Variants in SNX31 observed in about 807,000 individuals in gnomAD.
The protein encoded by SNX31 is sorting nexin 31.
In SNX31, 58 loss-of-function variants were observed where a neutral mutation model predicts 65.4. The observed-to-expected ratio is 0.89, with a 90% CI of 0.72 to 1.10. The LOEUF is 1.10. Among genes scored for constraint, SNX31 ranks in the 50% least tolerant of loss-of-function variants. SNX31 has a pLI of 0.00. For synonymous variants in SNX31, 181 were observed against 190.1 expected, an observed-to-expected ratio of 0.95 and a Z score of 0.39; for missense variants, 523 against 529.7, an observed-to-expected ratio of 0.99 and a Z score of 0.12.
In SNX31 at chr8:100,613,721, G is replaced by A. The variant is rs997715235; in HGVS notation, c.433-636C>T. Among the ~76,000 whole-genome samples the A allele has an allele frequency of 1.3e-5, 2 of 152,096 alleles. No individual in the cohort carries two copies. The highest frequency in any genetic ancestry group is 6.5e-5 in the Admixed American group (1 of 15,280). On this transcript the variant is annotated intron_variant, in intron 5 of 13. Transcript: ENST00000311812. This position sits in a 1 kb window ranked among gnomAD's most constrained non-coding sequence, Gnocchi z 5.2. ...TATATCAAACAGCTTTCATTTCAACGCCAGTGGCTTCATTTTTACCATCAG... is the reference window on the plus strand; with the variant it reads ...TATATCAAACAGCTTTCATTTCAACACCAGTGGCTTCATTTTTACCATCAG...
intron 5 of SNX31, among the ~76,000 whole-genome samples, chr8:100,615,005 T>C (rs1817047529): frequency 6.6e-6 from 1 of 152,214 alleles, no homozygotes; most frequent in South Asian, 2.1e-4. Flanking sequence ...GATTTTTAAT[T>C]ATAAAACTTA....
chr8:100,618,330 C>T (rs1817411580), intron 4 of SNX31: 2 of 1,534,454 alleles, frequency 1.3e-6, no homozygotes, highest in African/African-American at 2.7e-5. Context: ...AATTAACTTG[C>T]CCAGTTTTCA....
rs574544463 is a variant in SNX31 at position 100,621,302 on chromosome 8, A to C, written c.322-3572T>G. ...CCTGGCACCCCAGTGTGATAACTGC[A>C]GCACTCTTTTCACTCTCAAAAGCAT... is the stretch of plus-strand genomic sequence containing the variant. On this transcript the variant is annotated intron_variant, in intron 4 of 13. Coordinates refer to ENST00000311812, the MANE Select transcript of SNX31 (RefSeq NM_152628.4). 1.6e-4 allele frequency among the ~76,000 whole-genome samples: 24 copies of C among 152,312 alleles called. No homozygotes were observed. In the South Asian group the frequency reaches 5.0e-3, roughly 32 times the overall value.
Position 100,648,171 on chromosome 8 carries a change from T to A in SNX31, c.141+1103A>T, listed in dbSNP as rs1245037882. Among the ~76,000 whole-genome samples, 1 of 152,116 alleles carries A rather than the reference T, an allele frequency of 6.6e-6. No homozygotes were observed. Among genetic ancestry groups the A allele is most frequent in the Non-Finnish European group, 1.5e-5 (1 of 68,018 alleles). On this transcript the variant is annotated intron_variant, in intron 2 of 13. Coordinates refer to ENST00000311812, the MANE Select transcript of SNX31 (RefSeq NM_152628.4). The surrounding 1 kb of genome is among the most constrained non-coding windows in gnomAD (Gnocchi z 4.3). The stretch of plus-strand genomic sequence containing the variant: ...CAATTTAATAGCAGAAAAAACAAAC[T>A]AAGCTGTCGGTCAACAGAAGATGGT...
intron 2 of SNX31, among the ~76,000 whole-genome samples, chr8:100,643,985 G>T (rs1299247148): frequency 1.3e-5 from 2 of 152,164 alleles, no homozygotes; most frequent in Non-Finnish European, 2.9e-5. Context: ...GGACTGAGGT[G>T]GGCTTTGAGA....
At position 100,588,847 on chromosome 8, in the gene SNX31, G is replaced by C. The variant is rs114762268; in HGVS notation, c.1092+19C>G. 1.5e-4 allele frequency: 241 copies of C among 1,570,234 alleles called. 3 individuals are homozygous for C. The East Asian group carries it at 4.7e-3, about 30-fold the overall frequency. On this transcript the variant is annotated intron_variant, in intron 11 of 13. Transcript: ENST00000311812. This position sits in a 1 kb window ranked among gnomAD's most constrained non-coding sequence, Gnocchi z 4.8. ...CATTTCAGCACAGAGGGTGTTCAAG[G>C]TCTGCCCTGAGAACTCACCTGTTTG...
chr8:100,653,223 G>A (rs1820004367), upstream of SNX31, among the ~76,000 whole-genome samples: 1 of 152,138 alleles, frequency 6.6e-6, no homozygotes, highest in Non-Finnish European at 1.5e-5. Flanking sequence ...TTTGGAATTT[G>A]AGGAAATATA....
At chr8:100,657,002 C>T (rs1373134586) in intron 1 of SNX31, among the ~76,000 whole-genome samples, 3 of 152,176 alleles carry the variant, frequency 2.0e-5, no homozygotes, top group Non-Finnish European at 4.4e-5. Context: ...AGCAAGCATT[C>T]GACAGTCATC....
At position 100,660,709 on chromosome 8, in the gene SNX31, A is replaced by G. The variant is rs1021084756; in HGVS notation, c.-58+2433T>C. On this transcript the variant is annotated intron_variant, in intron 1 of 5. Coordinates refer to the SNX31 transcript ENST00000520352. This position sits in a 1 kb window ranked among gnomAD's most constrained non-coding sequence, Gnocchi z 4.1. ...GCCTGGCCTGGGCCTGTCAAACTCC[A>G]GTGTACTTGCTCTGAATCCCTCCTC... Among the ~76,000 whole-genome samples the G allele has an allele frequency of 7.2e-5, 11 of 152,322 alleles. No homozygotes were observed. The highest frequency in any genetic ancestry group is 2.4e-4 in the African/African-American group (10 of 41,572).
In SNX31 at chr8:100,576,887, T is replaced by C; in HGVS notation, c.1227+132A>G. 1 of 750,206 alleles carries C rather than the reference T, an allele frequency of 1.3e-6. No homozygotes were observed. Among genetic ancestry groups the C allele is most frequent in the Non-Finnish European group, 2.2e-6 (1 of 454,988 alleles). 46.5% of individuals were successfully genotyped at this position (750,206 alleles called of 1,614,324 possible). A position where few individuals can be genotyped will look rare whatever the true frequency, so the allele number is the denominator to read the frequency against. ...TGTGATGGCCTTCCAATTGGCCCAATCTACAAAGAGGAGCTTCTGAGAAAC... is the reference window on the plus strand; with the variant it reads ...TGTGATGGCCTTCCAATTGGCCCAACCTACAAAGAGGAGCTTCTGAGAAAC... On this transcript the variant is annotated intron_variant, in intron 13 of 13. Transcript: ENST00000311812. This position sits in a 1 kb window ranked among gnomAD's most constrained non-coding sequence, Gnocchi z 4.8.
At chr8:100,583,961 A>G in intron 12 of SNX31, 150 bp downstream of exon 12, 3 of 589,340 alleles carry the variant, frequency 5.1e-6, no homozygotes, top group Non-Finnish European at 8.8e-6. Context: ...GAGCTACCAG[A>G]GGGAAGAGGA....
At chr8:100,591,506 A>AAAG (rs1257827959) in intron 10 of SNX31, among the ~76,000 whole-genome samples, 6 of 151,042 alleles carry the variant, frequency 4.0e-5, no homozygotes, top group Non-Finnish European at 8.9e-5. Context: ...AAAAAAAAAA[A>AAAG]AAGAAGGAAA....
chr8:100,607,803 T>A (rs1345160532), intron 8 of SNX31, among the ~76,000 whole-genome samples: 3 of 152,184 alleles, frequency 2.0e-5, no homozygotes, highest in African/African-American at 7.2e-5. Context: ...TATGTACCAA[T>A]GAAAATTTAA....
rs946307851 is a variant in SNX31 at position 100,660,571 on chromosome 8, G to A, written c.-58+2571C>T. 2.6e-5 allele frequency among the ~76,000 whole-genome samples: 4 copies of A among 152,204 alleles called. No individual in the cohort carries two copies. Among genetic ancestry groups the A allele is most frequent in the African/African-American group, 9.7e-5 (4 of 41,440 alleles). On this transcript the variant is annotated intron_variant, in intron 1 of 5. Transcript: ENST00000520352. The surrounding 1 kb of genome is among the most constrained non-coding windows in gnomAD (Gnocchi z 4.1). ...CACTCAGCACGGGGCTCTAACTCAA[G>A]TGGCAGGCGTCCCTGACCTGACAGA...
At position 100,596,636 on chromosome 8, in the gene SNX31, C is replaced by T; in HGVS notation, c.978+3G>A. The T allele has an allele frequency of 1.9e-6, 3 of 1,613,842 alleles. No individual in the cohort carries two copies. Among genetic ancestry groups the T allele is most frequent in the South Asian group, 2.2e-5 (2 of 91,058 alleles). On this transcript the variant is annotated splice_donor_region_variant and intron_variant, in intron 10 of 13. Coordinates refer to ENST00000311812, the MANE Select transcript of SNX31 (RefSeq NM_152628.4). ...GGGCAAAGCAAGGTGCCAAGATACT[C>T]ACAAGGAAAGTGACCTGCCAGCACT...
In SNX31 at chr8:100,600,267, T is replaced by C. The variant is rs984067287; in HGVS notation, c.774+82A>G. ...CCACTTTTAGTGCTTGGTAGGTTTA[T>C]CAGTTACAGAAACAGTTCAATTCTA... On this transcript the variant is annotated intron_variant, in intron 9 of 13. Transcript: ENST00000311812. The C allele has an allele frequency of 6.3e-5, 73 of 1,166,008 alleles. No individual in the cohort carries two copies. The African/African-American group carries it at 1.0e-3, about 17-fold the overall frequency. 72.2% of individuals were successfully genotyped at this position (1,166,008 alleles called of 1,614,324 possible). A position where few individuals can be genotyped will look rare whatever the true frequency, so the allele number is the denominator to read the frequency against.
intron 10 of SNX31, among the ~76,000 whole-genome samples, chr8:100,591,923 G>A (rs1027643773): frequency 1.3e-4 from 20 of 152,176 alleles, no homozygotes; most frequent in African/African-American, 4.3e-4. Flanking sequence ...AATAAAATGC[G>A]ACATTCAATA....
At chr8:100,650,418 G>T (rs867331226), upstream of SNX31, among the ~76,000 whole-genome samples, 2 of 152,162 alleles carry the variant, frequency 1.3e-5, no homozygotes, top group Non-Finnish European at 1.5e-5. Context: ...ACAGGCCCAG[G>T]GGGTGGAGGA....
At chr8:100,595,839 T>C (rs1815032630) in intron 10 of SNX31, among the ~76,000 whole-genome samples, 1 of 152,164 alleles carries the variant, frequency 6.6e-6, no homozygotes, top group Admixed American at 6.5e-5. Context: ...GGCATTGATT[T>C]CAGAGAATAT....
Sources: gnomAD v4.1 joint callset for allele counts (sites outside exome capture counted in the v4.1 genomes callset) on GRCh38, gnomAD v4.1.1 for gene constraint, Gnocchi (gnomAD v3.1) non-coding constraint, MANE v1.5 for transcripts, NCBI Gene and HGNC (gene_info 2026-07-23, HGNC 2026-07-21) for gene names.